RRM2B: variants seen among roughly 807,000 people sequenced by gnomAD.
RRM2B encodes ribonucleoside-diphosphate reductase subunit M2 B.
RRM2B carries 20 observed loss-of-function variants against 45.9 expected under a neutral mutation model. The observed-to-expected ratio is 0.44, with a 90% CI of 0.31 to 0.63. The LOEUF (loss-of-function observed/expected upper bound fraction) is 0.63, where lower values mean the gene tolerates loss of function less well. Among genes scored for constraint, RRM2B ranks in the 30% least tolerant of loss-of-function variants. The probability of loss-of-function intolerance (pLI) is 0.09; values close to 1 mark genes in which losing one functional copy is unlikely to be tolerated. For synonymous variants in RRM2B, 124 were observed against 132.3 expected (o/e 0.94, Z 0.43); for missense variants, 320 against 414.7 (o/e 0.77, Z 1.98).
intron 3 of RRM2B, among the ~76,000 whole-genome samples, chr8:102,225,324 C>T (rs1472709475): frequency 6.7e-6 from 1 of 149,994 alleles, no homozygotes; most frequent in Non-Finnish European, 1.5e-5. Flanking sequence ...ACCTCTGCCT[C>T]CCAGGTTCAA....
chr8:102,238,587 T>C (rs1414647405), intron 1 of RRM2B: 1 of 1,526,514 alleles, frequency 6.6e-7, no homozygotes, highest in South Asian at 1.2e-5. Flanking sequence ...AGCGTCGTCC[T>C]TGGCTGGCCC....
chr8:102,208,139 A>G lies in RRM2B; in HGVS notation c.1050T>C (p.Asp350=). The change falls in exon 9 of 9, where the codon GAT becomes GAC. Residue 350 remains aspartate, a synonymous_variant. Coordinates refer to ENST00000251810, the MANE Select transcript of RRM2B (RefSeq NM_015713.5). ...TTTTAAAACGAGAGGTTTTTTAAAAATCTGCATCCAAGGTGAAGACGTTAT... is the reference window on the plus strand; with the variant it reads ...TTTTAAAACGAGAGGTTTTTTAAAAGTCTGCATCCAAGGTGAAGACGTTAT... ...TTDNVFTLDA[D]F is the part of the protein sequence containing the mutation. The G allele has an allele frequency of 1.2e-6, 2 of 1,612,728 alleles. No individual in the cohort carries two copies. Among genetic ancestry groups the G allele is most frequent in the Non-Finnish European group, 1.7e-6 (2 of 1,178,966 alleles).
chr8:102,220,103 G>A (rs1810804404), intron 5 of RRM2B, among the ~76,000 whole-genome samples: 1 of 152,090 alleles, frequency 6.6e-6, no homozygotes, highest in Non-Finnish European at 1.5e-5. Context: ...GCTGGGTGTG[G>A]TGGTGCGCAC....
chr8:102,210,112 T>C (rs1450453174), intron 8 of RRM2B, among the ~76,000 whole-genome samples: 1 of 152,224 alleles, frequency 6.6e-6, no homozygotes, highest in African/African-American at 2.4e-5. Flanking sequence ...ACTCTGTGAC[T>C]ACACTAAAAA....
chr8:102,211,781 G>A (rs999582098), intron 8 of RRM2B, among the ~76,000 whole-genome samples: 1 of 152,066 alleles, frequency 6.6e-6, no homozygotes, highest in African/African-American at 2.4e-5. Flanking sequence ...AACACAGAGA[G>A]GATCTTGCAA....
chr8:102,238,809 C>T lies in RRM2B; in HGVS notation c.48+18G>A, dbSNP rs1448280970. 5 of 1,613,688 alleles carry T rather than the reference C, an allele frequency of 3.1e-6. No homozygotes were observed. The highest frequency in any genetic ancestry group is 3.3e-5 in the Admixed American group (2 of 60,004). ...GGCGTGACTGCGGTGAGGGGGAAGACGCAACAGCAACATTTACCTCATCCT... is the reference window on the plus strand; with the variant it reads ...GGCGTGACTGCGGTGAGGGGGAAGATGCAACAGCAACATTTACCTCATCCT... On this transcript the variant is annotated intron_variant, in intron 1 of 8. Coordinates refer to ENST00000251810, the MANE Select transcript of RRM2B (RefSeq NM_015713.5).
At chr8:102,219,746 A>G (rs544833853) in intron 5 of RRM2B, among the ~76,000 whole-genome samples, 129 of 152,350 alleles carry the variant, frequency 8.5e-4, no homozygotes, top group African/African-American at 3.0e-3. Flanking sequence ...ATGTCTAAGG[A>G]AAAAGGTTTG....
At chr8:102,232,398 T>C (rs772825611) in intron 1 of RRM2B, 94 bp from the exon 2 acceptor site, 37 of 1,298,490 alleles carry the variant, frequency 2.8e-5, no homozygotes, top group Admixed American at 5.1e-5. Context: ...GGAGACGGCA[T>C]TGGTTTGAGA....
intron 1 of RRM2B, among the ~76,000 whole-genome samples, chr8:102,237,694 C>CT (rs375636272): frequency 4.6e-5 from 7 of 152,314 alleles, no homozygotes; most frequent in Admixed American, 1.3e-4. Context: ...TGAATCACTG[C>CT]TGGTGCCATT....
intron 8 of RRM2B, among the ~76,000 whole-genome samples, chr8:102,211,845 C>G (rs117769868): frequency 6.6e-6 from 1 of 152,108 alleles, no homozygotes; most frequent in Non-Finnish European, 1.5e-5. Context: ...CCCCACTTGA[C>G]TTTTTCATTA....
intron 1 of RRM2B, among the ~76,000 whole-genome samples, chr8:102,236,045 T>G (rs1394370517): frequency 1.3e-5 from 2 of 151,972 alleles, no homozygotes; most frequent in Non-Finnish European, 2.9e-5. Flanking sequence ...AAAGGGCAGA[T>G]GAAAGAAGAG....
chr8:102,228,967 A>G (rs987710328), intron 2 of RRM2B, among the ~76,000 whole-genome samples: 6 of 152,192 alleles, frequency 3.9e-5, no homozygotes, highest in African/African-American at 9.7e-5. Flanking sequence ...TACTCTAACA[A>G]ACCCTCGGCT....
intron 1 of RRM2B, among the ~76,000 whole-genome samples, chr8:102,235,128 C>T (rs548227033): frequency 6.6e-6 from 1 of 152,186 alleles, no homozygotes; most frequent in South Asian, 2.1e-4. Flanking sequence ...CTTTTAAGAT[C>T]GCTTTTCTAG....
intron 5 of RRM2B, among the ~76,000 whole-genome samples, chr8:102,221,160 T>C (rs28572516): frequency 1.5e-3 from 224 of 152,348 alleles, no homozygotes; most frequent in Admixed American, 4.8e-3. Context: ...TATGCAGATA[T>C]ATAATTAGGA....
chr8:102,233,149 ACTC>A (rs1180839790), intron 1 of RRM2B, among the ~76,000 whole-genome samples: 5 of 152,040 alleles, frequency 3.3e-5, no homozygotes, highest in Non-Finnish European at 7.4e-5. Context: ...CAACTTCTAG[ACTC>A]CTATCCAAAA....
intron 1 of RRM2B, among the ~76,000 whole-genome samples, chr8:102,238,152 TG>T (rs1458855327): frequency 2.0e-5 from 3 of 152,252 alleles, no homozygotes; most frequent in Non-Finnish European, 4.4e-5. Context: ...ATGAACAACT[TG>T]GGCTTATTAA....
intron 6 of RRM2B, among the ~76,000 whole-genome samples, chr8:102,216,777 TAAAC>T (rs981612455): frequency 6.6e-6 from 1 of 152,020 alleles, no homozygotes; most frequent in African/African-American, 2.4e-5. Context: ...AAGTAATAAT[TAAAC>T]AATGCAAATA....
chr8:102,214,296 C>T, intron 6 of RRM2B, 138 bp from the exon 7 acceptor site: 1 of 679,520 alleles, frequency 1.5e-6, no homozygotes, highest in Non-Finnish European at 2.7e-6. Context: ...GTTAATAGGA[C>T]TAGGAACTTC....
rs1265336687 is a variant in RRM2B, at chr8:102,204,765, AT to A, written c.*3367del. 2 of 152,244 alleles carry A rather than the reference AT, an allele frequency of 1.3e-5. No individual in the cohort carries two copies. Among genetic ancestry groups the A allele is most frequent in the Non-Finnish European group, 2.9e-5 (2 of 68,026 alleles). The allele number at this position is 152,244 out of a possible 1,614,324, so 9.4% of individuals were successfully genotyped here. ...TTTCTATGTACACAGTAAATAGTAA[AT>A]AACTTTGCTAAATGGCCAGACATTT... On this transcript the variant is annotated 3_prime_UTR_variant, in exon 9 of 9. Transcript: ENST00000251810.
Sources: gnomAD v4.1 joint callset for allele counts (sites outside exome capture counted in the v4.1 genomes callset) on GRCh38, gnomAD v4.1.1 for gene constraint, MANE v1.5 for transcripts, NCBI Gene and HGNC (gene_info 2026-07-23, HGNC 2026-07-21) for gene names.